Variants in TNKS observed in about 807,000 individuals in gnomAD.
TNKS encodes tankyrase, also known as poly [ADP-ribose] polymerase tankyrase-1.
Under a neutral mutation model 135.8 loss-of-function variants are expected in TNKS, and 72 were observed. That is an observed-to-expected ratio of 0.53 (90% confidence interval 0.44 to 0.64). The LOEUF (loss-of-function observed/expected upper bound fraction) is 0.64, where lower values mean the gene tolerates loss of function less well. Ranked by LOEUF, TNKS falls within the 30% of genes least tolerant of loss-of-function variation. The pLI is 0.00. For missense variants in TNKS, 1,769 were observed against 1,674.0 expected (o/e 1.06, Z -0.99); for synonymous variants, 849 against 649.3 (o/e 1.31, Z -4.68).
chr8:9,672,837 C>G (rs1802359904), intron 3 of TNKS, among the ~76,000 whole-genome samples: 1 of 151,982 alleles, frequency 6.6e-6, no homozygotes, highest in African/African-American at 2.4e-5. Context: ...GCATCATAAC[C>G]TGCCATGCTT....
At chr8:9,667,950 A>G (rs1305924644) in intron 3 of TNKS, among the ~76,000 whole-genome samples, 2 of 151,868 alleles carry the variant, frequency 1.3e-5, no homozygotes, top group East Asian at 1.9e-4. Context: ...GCCAAGCACA[A>G]TACAGCACTG....
chr8:9,680,293 A>G (rs1185588446), intron 4 of TNKS, among the ~76,000 whole-genome samples: 1 of 152,040 alleles, frequency 6.6e-6, no homozygotes, highest in Non-Finnish European at 1.5e-5. Context: ...TCATCTGAAG[A>G]TTTTTCTAGC....
At chr8:9,640,909 G>A (rs137862190) in intron 3 of TNKS, among the ~76,000 whole-genome samples, 1 of 146,232 alleles carries the variant, frequency 6.8e-6, no homozygotes, top group Non-Finnish European at 1.5e-5. Flanking sequence ...GTGAATGACA[G>A]CTACTTTTTT....
intron 1 of TNKS, among the ~76,000 whole-genome samples, chr8:9,579,036 G>A (rs1437888524): frequency 2.6e-5 from 4 of 152,092 alleles, no homozygotes; most frequent in African/African-American, 7.2e-5. Context: ...TGACTTCCAC[G>A]ATGTTGATGT....
intron 25 of TNKS, 140 bp from the exon 26 acceptor site, chr8:9,769,966 A>G: frequency 1.4e-6 from 1 of 700,730 alleles, no homozygotes; most frequent in South Asian, 2.1e-5. Flanking sequence ...ATTCCATCCC[A>G]TTCCTACTCA....
At chr8:9,765,860 A>G (rs1389580847) in intron 24 of TNKS, 63 bp downstream of exon 24, 1 of 1,344,434 alleles carries the variant, frequency 7.4e-7, no homozygotes, top group Non-Finnish European at 1.1e-6. Context: ...AGTAAAGGGA[A>G]AAACCTACGT....
At chr8:9,776,235 T>C (rs1808220359) in intron 26 of TNKS, among the ~76,000 whole-genome samples, 1 of 152,244 alleles carries the variant, frequency 6.6e-6, no homozygotes, top group South Asian at 2.1e-4. Context: ...GGTTACATCA[T>C]CTTCTATGAT....
chr8:9,669,619 T>G (rs1389202425), intron 3 of TNKS, among the ~76,000 whole-genome samples: 1 of 152,180 alleles, frequency 6.6e-6, no homozygotes. Flanking sequence ...TGTCCAATAA[T>G]CTTTCTGAAC....
intron 5 of TNKS, among the ~76,000 whole-genome samples, chr8:9,691,362 A>G (rs1803258885): frequency 6.6e-6 from 1 of 152,192 alleles, no homozygotes; most frequent in Non-Finnish European, 1.5e-5. Context: ...GAACAGTCAC[A>G]CTGTCATTAT....
chr8:9,678,137 G>A (rs922698599), intron 3 of TNKS, among the ~76,000 whole-genome samples: 8 of 152,130 alleles, frequency 5.3e-5, no homozygotes, highest in East Asian at 1.9e-4. Context: ...TGTCTTTCGC[G>A]TTAAAATCTG....
chr8:9,722,675 G>T (rs1299406334), intron 12 of TNKS, among the ~76,000 whole-genome samples: 2 of 151,860 alleles, frequency 1.3e-5, no homozygotes, highest in Non-Finnish European at 2.9e-5. Flanking sequence ...AAATTCTAAT[G>T]ATTTCTAAAA....
chr8:9,656,278 A>G (rs1295948539), intron 3 of TNKS, among the ~76,000 whole-genome samples: 1 of 152,256 alleles, frequency 6.6e-6, no homozygotes, highest in Non-Finnish European at 1.5e-5. Context: ...TGTACCTGAA[A>G]GTGACAGGGA....
At position 9,641,885 on chromosome 8, in the gene TNKS, G is replaced by A. The variant is rs1800744961; in HGVS notation, c.994+26208G>A. Among the ~76,000 whole-genome samples, 5 of 145,938 alleles carry A rather than the reference G, an allele frequency of 3.4e-5. 2 individuals are homozygous for A. Among genetic ancestry groups the A allele is most frequent in the South Asian group, 4.4e-4 (2 of 4,554 alleles). On this transcript the variant is annotated intron_variant, in intron 3 of 26. Transcript: ENST00000310430. ...AACTGTAGATCTCACACAAAGCAAA[G>A]AATGAATTACTTCTGAGAGAATGAA...
intron 3 of TNKS, among the ~76,000 whole-genome samples, chr8:9,624,040 A>ACGAC (rs776249130): frequency 6.6e-6 from 1 of 151,526 alleles, no homozygotes; most frequent in Non-Finnish European, 1.5e-5. Flanking sequence ...AACAACAACA[A>ACGAC]AAAACAACTA....
At chr8:9,740,083 AAGTC>A (rs1368389051) in intron 17 of TNKS, among the ~76,000 whole-genome samples, 3 of 145,378 alleles carry the variant, frequency 2.1e-5, no homozygotes, top group East Asian at 2.0e-4. Flanking sequence ...AAAAAAAAGA[AAGTC>A]CAGAGTTATC....
intron 25 of TNKS, among the ~76,000 whole-genome samples, chr8:9,767,807 A>C (rs1018225579): frequency 1.3e-5 from 2 of 151,902 alleles, no homozygotes; most frequent in African/African-American, 2.4e-5. Flanking sequence ...AAAATACAAA[A>C]AATTAGCCGG....
At chr8:9,654,678 T>C (rs952059914) in intron 3 of TNKS, among the ~76,000 whole-genome samples, 21 of 152,242 alleles carry the variant, frequency 1.4e-4, no homozygotes, top group Admixed American at 1.3e-3. Flanking sequence ...ATAGATTTCA[T>C]GTATCTTAGA....
chr8:9,722,208 T>A (rs959094239), intron 12 of TNKS, among the ~76,000 whole-genome samples: 5 of 152,108 alleles, frequency 3.3e-5, no homozygotes, highest in African/African-American at 9.7e-5. Context: ...CACAGATTTC[T>A]AAAGGGACCC....
chr8:9,585,894 G>A (rs577129751), intron 2 of TNKS, among the ~76,000 whole-genome samples: 2 of 152,226 alleles, frequency 1.3e-5, no homozygotes, highest in South Asian at 4.1e-4. Flanking sequence ...TGGCTGAATG[G>A]CATTACGTAA....
Sources: allele counts gnomAD v4.1 joint callset (sites outside exome capture counted in the v4.1 genomes callset), GRCh38; gene constraint gnomAD v4.1.1; transcripts MANE v1.5; gene names NCBI Gene and HGNC (gene_info 2026-07-23, HGNC 2026-07-21).